The following MYO3A variants were observed in gnomAD, a reference collection of about 807,000 sequenced individuals.
MYO3A encodes the protein myosin-IIIa.
In MYO3A, 180 loss-of-function variants were observed where a neutral mutation model predicts 192.7. The observed-to-expected ratio is 0.93, with a 90% CI of 0.83 to 1.06. The LOEUF (loss-of-function observed/expected upper bound fraction) is 1.06, where lower values mean the gene tolerates loss of function less well. Among genes scored for constraint, MYO3A ranks in the 50% least tolerant of loss-of-function variants. The probability of loss-of-function intolerance (pLI) is 0.00; values close to 1 mark genes in which losing one functional copy is unlikely to be tolerated. For missense variants in MYO3A, 1,896 were observed against 1,905.0 expected (o/e 1.00, Z 0.09); for synonymous variants, 628 against 645.3 (o/e 0.97, Z 0.41).
At chr10:26,039,978 A>T in intron 10 of MYO3A, among the ~76,000 whole-genome samples, 1 of 143,672 alleles carries the variant, frequency 7.0e-6, no homozygotes, top group East Asian at 2.0e-4. Context: ...GTTTATTTGA[A>T]GTTTTTTTTT....
chr10:26,210,180 G>A (rs1844162324), intron 34 of MYO3A, among the ~76,000 whole-genome samples: 1 of 151,716 alleles, frequency 6.6e-6, no homozygotes, highest in African/African-American at 2.4e-5. Flanking sequence ...GGGAGGGAAG[G>A]AATTGTCTTT....
In MYO3A at chr10:25,996,383, G is replaced by A. The variant is rs1588730701; in HGVS notation, c.304-107G>A. 6 of 848,320 alleles carry A rather than the reference G, an allele frequency of 7.1e-6. No homozygotes were observed. The African/African-American group carries it at 1.0e-4, about 14-fold the overall frequency. The allele number at this position is 848,320 out of a possible 1,614,324, so 52.5% of individuals were successfully genotyped here. A position where few individuals can be genotyped will look rare whatever the true frequency, so the allele number is the denominator to read the frequency against. ...ATAAAGATAATGGCATTAATCATTT[G>A]AAAGAGAACATTGGAACACTTTTAA... On this transcript the variant is annotated intron_variant, in intron 4 of 34. Coordinates refer to ENST00000642920, the MANE Select transcript of MYO3A (RefSeq NM_017433.5).
At chr10:25,999,183 C>T (rs1840632519) in intron 6 of MYO3A, among the ~76,000 whole-genome samples, 1 of 152,152 alleles carries the variant, frequency 6.6e-6, no homozygotes, top group South Asian at 2.1e-4. Flanking sequence ...CAGGCGTGAG[C>T]CACCGTGCCT....
At chr10:26,157,231 T>A (rs1166504634) in intron 25 of MYO3A, 79 bp from the exon 26 acceptor site, 1 of 1,257,990 alleles carries the variant, frequency 7.9e-7, no homozygotes, top group African/African-American at 1.5e-5. Context: ...ATGTTATTCT[T>A]GTAGTAAAAA....
chr10:25,999,180 G>A (rs887573333), intron 6 of MYO3A, among the ~76,000 whole-genome samples: 1 of 152,144 alleles, frequency 6.6e-6, no homozygotes, highest in African/African-American at 2.4e-5. Flanking sequence ...TTACAGGCGT[G>A]AGCCACCGTG....
chr10:26,056,253 C>T (rs1206566006), intron 10 of MYO3A, among the ~76,000 whole-genome samples: 1 of 151,646 alleles, frequency 6.6e-6, no homozygotes, highest in Non-Finnish European at 1.5e-5. Flanking sequence ...AAAACAATCT[C>T]TGAGATATAT....
Position 26,174,114 on chromosome 10 carries a change from A to T in MYO3A, c.3850A>T (p.Thr1284Ser), listed in dbSNP as rs3740231. The change falls in exon 30 of 35, where the codon ACT becomes TCT. Residue 1284 changes from threonine (T) to serine (S), a missense_variant. Physicochemically the swap from Thr to Ser is moderately conservative, Grantham distance 58. Transcript: ENST00000642920. The part of the protein sequence containing the change: ...LAENETSFKK[T>S]LEPTLSQRSI... Reference sequence around the variant, plus strand: ...TGAAAATGAGACTTCCTTTAAAAAAACTTTGGAACCTACACTTAGCCAAAG... The same window carrying T: ...TGAAAATGAGACTTCCTTTAAAAAATCTTTGGAACCTACACTTAGCCAAAG... 0.43 allele frequency: 685,957 copies of T among 1,613,914 alleles called. 146,995 individuals carry two copies. The highest frequency in any genetic ancestry group is 0.49 in the Middle Eastern group (2,950 of 6,060).
chr10:26,049,534 T>TA (rs1250213539), intron 10 of MYO3A, among the ~76,000 whole-genome samples: 1 of 152,154 alleles, frequency 6.6e-6, no homozygotes, highest in Non-Finnish European at 1.5e-5. Flanking sequence ...GGGATCATTA[T>TA]AGCAGTGGAT....
intron 10 of MYO3A, among the ~76,000 whole-genome samples, chr10:26,046,204 G>A (rs1843629816): frequency 6.6e-6 from 1 of 152,108 alleles, no homozygotes; most frequent in South Asian, 2.1e-4. Flanking sequence ...TGGAACTGGG[G>A]AACAGTCTAG....
At chr10:25,947,051 A>T (rs1048693251) in intron 2 of MYO3A, among the ~76,000 whole-genome samples, 1 of 151,612 alleles carries the variant, frequency 6.6e-6, no homozygotes, top group African/African-American at 2.4e-5. Context: ...CTCATAATGT[A>T]TATATTGGTC....
chr10:26,140,168 G>T (rs1255239780), intron 20 of MYO3A, among the ~76,000 whole-genome samples: 1 of 152,126 alleles, frequency 6.6e-6, no homozygotes, highest in African/African-American at 2.4e-5. Context: ...GCTTAAATTT[G>T]CACCTGATTT....
chr10:26,069,283 A>G (rs1835049827), intron 12 of MYO3A, among the ~76,000 whole-genome samples: 1 of 152,080 alleles, frequency 6.6e-6, no homozygotes, highest in Admixed American at 6.6e-5. Context: ...TACATACTTA[A>G]TGGCTTTAAA....
chr10:26,059,180 C>G (rs956707570), intron 10 of MYO3A, among the ~76,000 whole-genome samples: 7 of 143,932 alleles, frequency 4.9e-5, no homozygotes, highest in African/African-American at 1.8e-4. Flanking sequence ...CCTTTTAAGT[C>G]ATTTTTTGGT....
chr10:25,997,824 GGTGTTTGATAA>G (rs1588734803), intron 6 of MYO3A, among the ~76,000 whole-genome samples: 1 of 152,130 alleles, frequency 6.6e-6, no homozygotes, highest in African/African-American at 2.4e-5. Context: ...GAAGAATGGG[GGTGTTTGATAA>G]CATAATTGAG....
At chr10:26,053,505 G>A (rs143302501) in intron 10 of MYO3A, among the ~76,000 whole-genome samples, 128 of 152,272 alleles carry the variant, frequency 8.4e-4, no homozygotes, top group African/African-American at 3.1e-3. Flanking sequence ...GAGCAGTGTA[G>A]TATATCACAT....
chr10:26,211,845 G>C lies in MYO3A; in HGVS notation c.4733G>C (p.Cys1578Ser). Residue 1578 changes from cysteine (C) to serine (S), a missense_variant and splice_region_variant, in exon 35 of 35, where the codon TGC becomes TCC. Cys to Ser is a moderately radical substitution (Grantham distance 112). Coordinates refer to ENST00000642920, the MANE Select transcript of MYO3A (RefSeq NM_017433.5). ...QNQCIKANER[C>S]WAAESPEKEE... The stretch of plus-strand genomic sequence containing the variant: ...TGGGCCCTGGGTTTCACTTGCAGGT[G>C]CTGGGCGGCGGAGAGCCCCGAGAAG... The C allele has an allele frequency of 1.2e-6, 2 of 1,614,104 alleles. No individual in the cohort carries two copies. The highest frequency in any genetic ancestry group is 1.7e-6 in the Non-Finnish European group (2 of 1,180,014).
intron 17 of MYO3A, among the ~76,000 whole-genome samples, chr10:26,097,035 T>C (rs940648367): frequency 6.6e-6 from 1 of 151,852 alleles, no homozygotes; most frequent in Admixed American, 6.6e-5. Context: ...TAAGATATAA[T>C]TTCCATACAA....
At chr10:26,164,893 T>A (rs948879742) in intron 26 of MYO3A, among the ~76,000 whole-genome samples, 1 of 151,904 alleles carries the variant, frequency 6.6e-6, no homozygotes, top group African/African-American at 2.4e-5. Flanking sequence ...GAATGCAGAG[T>A]CGCCGCTACT....
chr10:26,115,831 A>G (rs1838468773), intron 17 of MYO3A, among the ~76,000 whole-genome samples: 1 of 152,210 alleles, frequency 6.6e-6, no homozygotes, highest in African/African-American at 2.4e-5. Flanking sequence ...AGAAGATCTA[A>G]TAATTCAAAA....
Sources: gnomAD v4.1 joint callset for allele counts (sites outside exome capture counted in the v4.1 genomes callset) on GRCh38, gnomAD v4.1.1 for gene constraint, MANE v1.5 for transcripts, NCBI Gene and HGNC (gene_info 2026-07-23, HGNC 2026-07-21) for gene names.